Variants in SIM2 observed in about 807,000 individuals in gnomAD.
SIM2 encodes the protein SIM bHLH transcription factor 2.
In SIM2, 28 loss-of-function variants were observed where a neutral mutation model predicts 64.8. The ratio of observed to expected loss-of-function variants is 0.43; its 90% CI spans 0.32 to 0.59. The LOEUF is 0.59. SIM2 is among the 20% of genes least tolerant of loss of function. SIM2 has a pLI of 0.07. For synonymous variants in SIM2, 408 were observed against 391.1 expected (o/e 1.04, Z -0.51); for missense variants, 847 against 871.4 (o/e 0.97, Z 0.35).
Position 36,749,445 on chromosome 21 carries a change from TG to T in SIM2, c.*1354del, listed in dbSNP as rs2089298950. The T allele has an allele frequency of 1.2e-5, 1 of 80,440 alleles. No homozygotes were observed. Among genetic ancestry groups the T allele is most frequent in the African/African-American group, 6.4e-5 (1 of 15,554 alleles). 5.0% of individuals were successfully genotyped at this position (80,440 alleles called of 1,614,324 possible). A position where few individuals can be genotyped will look rare whatever the true frequency, so the allele number is the denominator to read the frequency against. ...CACCAACTGCTCTCAAAATGTGAAC[TG>T]ACTTTTTTTTTTTTTTTTTTGCCAA... is the stretch of plus-strand genomic sequence containing the variant. On this transcript the variant is annotated 3_prime_UTR_variant, in exon 11 of 11. Transcript: ENST00000290399.
intron 8 of SIM2, among the ~76,000 whole-genome samples, chr21:36,742,251 A>G (rs2089171476): frequency 6.6e-6 from 1 of 152,054 alleles, no homozygotes; most frequent in Admixed American, 6.5e-5. Flanking sequence ...CATGCCTATA[A>G]GCCTTTAGGT....
intron 6 of SIM2, among the ~76,000 whole-genome samples, chr21:36,729,207 T>A (rs1847033206): frequency 6.6e-6 from 1 of 152,194 alleles, no homozygotes; most frequent in South Asian, 2.1e-4. Context: ...CTGGGAAGCC[T>A]CTTTCATCCC....
rs1324618580 is a variant in SIM2, at chr21:36,748,949, T to G, written c.*857T>G. The G allele has an allele frequency of 6.6e-6, 1 of 152,650 alleles. No individual in the cohort carries two copies. Among genetic ancestry groups the G allele is most frequent in the African/African-American group, 2.4e-5 (1 of 41,464 alleles). The allele number at this position is 152,650 out of a possible 1,614,324, so 9.5% of individuals were successfully genotyped here. On this transcript the variant is annotated 3_prime_UTR_variant, in exon 11 of 11. Transcript: ENST00000290399. ...AGATCTGTAATTCACTAGGCTCGTG[T>G]TTGCTACAAATAGTGCTAATAAAGT...
At chr21:36,738,929 C>A (rs1220519003) in intron 7 of SIM2, among the ~76,000 whole-genome samples, 1 of 152,204 alleles carries the variant, frequency 6.6e-6, no homozygotes, top group Non-Finnish European at 1.5e-5. Flanking sequence ...CCTCTCCAGC[C>A]GGTGGCATGC....
chr21:36,709,376 G>T lies in SIM2; in HGVS notation c.258+126G>T, dbSNP rs1373586580. The T allele has an allele frequency of 7.4e-6, 6 of 810,856 alleles. No individual in the cohort carries two copies. In the South Asian group the frequency reaches 8.8e-5, roughly 12 times the overall value. 50.2% of individuals were successfully genotyped at this position (810,856 alleles called of 1,614,324 possible). A position where few individuals can be genotyped will look rare whatever the true frequency, so the allele number is the denominator to read the frequency against. On this transcript the variant is annotated intron_variant, in intron 2 of 10. Transcript: ENST00000290399. ...GATCCAGAGGCTGCCGGGGGCTGGG[G>T]ATGGGGTGGTCCCCACTGCGGAGGG...
At chr21:36,700,077 G>C (rs1170722144) in intron 1 of SIM2, among the ~76,000 whole-genome samples, 156 bp downstream of exon 1, 2 of 152,192 alleles carry the variant, frequency 1.3e-5, no homozygotes, top group Non-Finnish European at 2.9e-5. Flanking sequence ...CGGCTTCGGC[G>C]CTGGCTTGGG....
At chr21:36,740,009 G>GAAAGAAAGAA (rs1555877199) in intron 7 of SIM2, among the ~76,000 whole-genome samples, 2 of 131,234 alleles carry the variant, frequency 1.5e-5, no homozygotes, top group African/African-American at 3.1e-5. Context: ...GAAAGAAAGA[G>GAAAGAAAGAA]AGAAAGAAAG....
chr21:36,720,058 C>T (rs1239387208), intron 4 of SIM2, 129 bp downstream of exon 4: 1 of 655,494 alleles, frequency 1.5e-6, no homozygotes, highest in Non-Finnish European at 2.7e-6. Flanking sequence ...GCCCAGGTCT[C>T]TCCAATACAC....
rs182911006 is a variant in SIM2 at position 36,712,663 on chromosome 21, C to T, written c.348+41C>T. On this transcript the variant is annotated intron_variant, in intron 3 of 10. Transcript: ENST00000290399. The stretch of plus-strand genomic sequence containing the variant: ...TTTTATGTGCAACCAAAATATTAAA[C>T]GAAGTGACAGCAGATTTTGACAGCC... The T allele has an allele frequency of 2.5e-4, 333 of 1,348,564 alleles. 3 individuals carry two copies. In the East Asian group the frequency reaches 4.9e-3, roughly 20 times the overall value. 83.5% of individuals were successfully genotyped at this position (1,348,564 alleles called of 1,614,324 possible).
chr21:36,721,359 G>A (rs1036401175), intron 4 of SIM2, among the ~76,000 whole-genome samples: 4 of 152,148 alleles, frequency 2.6e-5, no homozygotes, highest in Non-Finnish European at 5.9e-5. Context: ...GTTTAAAGCT[G>A]GACAAAGACA....
chr21:36,713,092 G>A (rs2088698572), intron 3 of SIM2, among the ~76,000 whole-genome samples: 1 of 152,204 alleles, frequency 6.6e-6, no homozygotes, highest in African/African-American at 2.4e-5. Flanking sequence ...ATTTATGAGT[G>A]TTCGCATGGA....
At chr21:36,709,127 G>A in intron 1 of SIM2, 41 bp from the exon 2 acceptor site, 1 of 1,557,292 alleles carries the variant, frequency 6.4e-7, no homozygotes, top group African/African-American at 1.4e-5. Context: ...GCATCGGGCT[G>A]GGCGCTGCAG....
In SIM2 at chr21:36,699,611, C is replaced by A. The variant is rs2088454139; in HGVS notation, c.-136C>A. ...CGTCTCGGAACCCCGGGAGGCCCCC[C>A]GCACCTGCCCGCGGCCCACTCCGCG... On this transcript the variant is annotated 5_prime_UTR_variant, in exon 1 of 11. Transcript: ENST00000290399. The surrounding 1 kb of genome is among the most constrained non-coding windows in gnomAD (Gnocchi z 5.6). 1 of 952,076 alleles carries A rather than the reference C, an allele frequency of 1.1e-6. No individual in the cohort carries two copies. Among genetic ancestry groups the A allele is most frequent in the Admixed American group, 3.9e-5 (1 of 25,840 alleles). 59.0% of individuals were successfully genotyped at this position (952,076 alleles called of 1,614,324 possible).
Position 36,699,978 on chromosome 21 carries a change from G to A in SIM2, c.175+57G>A. The A allele has an allele frequency of 6.6e-7, 1 of 1,508,080 alleles. No individual in the cohort carries two copies. Among genetic ancestry groups the A allele is most frequent in the Non-Finnish European group, 8.8e-7 (1 of 1,130,606 alleles). 93.4% of individuals were successfully genotyped at this position (1,508,080 alleles called of 1,614,324 possible). A position where few individuals can be genotyped will look rare whatever the true frequency, so the allele number is the denominator to read the frequency against. On this transcript the variant is annotated intron_variant, in intron 1 of 10. Transcript: ENST00000290399. The surrounding 1 kb of genome is among the most constrained non-coding windows in gnomAD (Gnocchi z 5.6). The stretch of plus-strand genomic sequence containing the variant: ...GGGGAGCCCGGCGGCCCCGGCCCAG[G>A]CGGGAAGCGCAAGCCAGCCCGCCCA...
intron 4 of SIM2, chr21:36,720,200 C>G: frequency 5.0e-6 from 2 of 400,278 alleles, no homozygotes; most frequent in Non-Finnish European, 9.2e-6. Flanking sequence ...AAGCCTGCTC[C>G]CCTCGTGCTC....
rs569427373 is a variant in SIM2 at position 36,743,607 on chromosome 21, C to T, written c.1167+52C>T. ...GGTGCTGACATCTATCCTAGGGGTT[C>T]GGGACACCTGGACACATTAAGGAAT... On this transcript the variant is annotated intron_variant, in intron 9 of 10. Coordinates refer to ENST00000290399, the MANE Select transcript of SIM2 (RefSeq NM_005069.6). 48 of 1,540,302 alleles carry T rather than the reference C, an allele frequency of 3.1e-5. No individual in the cohort carries two copies. In the South Asian group the frequency reaches 3.2e-4, roughly 10 times the overall value.
chr21:36,723,234 C>T lies in SIM2; in HGVS notation c.543+104C>T, dbSNP rs1051096301. The T allele has an allele frequency of 2.0e-5, 18 of 890,104 alleles. No individual in the cohort carries two copies. The Admixed American group carries it at 2.8e-4, about 14-fold the overall frequency. The allele number at this position is 890,104 out of a possible 1,614,324, so 55.1% of individuals were successfully genotyped here. On this transcript the variant is annotated intron_variant, in intron 5 of 10. Transcript: ENST00000290399. ...AGGCACGGGAGCACAAACTCGTCAT[C>T]CCCACTAATGTAGAGCTCTCCAGCA... is the stretch of plus-strand genomic sequence containing the variant.
At chr21:36,705,228 A>C (rs1400541834) in intron 1 of SIM2, among the ~76,000 whole-genome samples, 1 of 152,194 alleles carries the variant, frequency 6.6e-6, no homozygotes, top group African/African-American at 2.4e-5. Context: ...AAGCTCCAGG[A>C]TCCCAATATG....
At chr21:36,736,162 C>G (rs1892911) in intron 7 of SIM2, among the ~76,000 whole-genome samples, 1 of 152,046 alleles carries the variant, frequency 6.6e-6, no homozygotes, top group Non-Finnish European at 1.5e-5. Context: ...AACCCCCGCC[C>G]GGGCCCCTCA....
Sources: allele counts gnomAD v4.1 joint callset (sites outside exome capture counted in the v4.1 genomes callset), GRCh38; gene constraint gnomAD v4.1.1; non-coding constraint Gnocchi (gnomAD v3.1); transcripts MANE v1.5; gene names NCBI Gene and HGNC (gene_info 2026-07-23, HGNC 2026-07-21).